Variants in CACNA1I observed in about 807,000 individuals in gnomAD.
CACNA1I encodes the protein calcium voltage-gated channel subunit alpha1 I.
In CACNA1I, 74 loss-of-function variants were observed where a neutral mutation model predicts 201.6. The ratio of observed to expected loss-of-function variants is 0.37; its 90% confidence interval spans 0.30 to 0.45. CACNA1I has a LOEUF of 0.45. CACNA1I is among the 20% of genes least tolerant of loss of function. CACNA1I has a pLI of 1.00. For synonymous variants in CACNA1I, 1,431 were observed against 1,345.2 expected (o/e 1.06, Z -1.40); for missense variants, 2,346 against 3,138.1 (o/e 0.75, Z 6.03).
At chr22:39,651,819 T>C (rs1489137453) in intron 10 of CACNA1I, among the ~76,000 whole-genome samples, 12 of 152,178 alleles carry the variant, frequency 7.9e-5, no homozygotes, top group Admixed American at 7.8e-4. Flanking sequence ...CCATGGAAAT[T>C]GGCAGATGTT....
intron 1 of CACNA1I, among the ~76,000 whole-genome samples, chr22:39,596,475 GGGGGAGCAGGATGGAGAGAGAT>G (rs1255108695): frequency 6.1e-4 from 55 of 89,522 alleles, no homozygotes; most frequent in Non-Finnish European, 7.6e-4. Flanking sequence ...GGAGAGAGAT[GGGGGAGCAGGATGGAGAGAGAT>G]GGGGGGCAGG....
rs1934497500 is a variant in CACNA1I at position 39,646,655 on chromosome 22, G to A, written c.1236G>A (p.Met412Ile). 5 of 1,577,282 alleles carry A rather than the reference G, an allele frequency of 3.2e-6. No individual in the cohort carries two copies. Among genetic ancestry groups the A allele is most frequent in the Non-Finnish European group, 4.3e-6 (5 of 1,162,032 alleles). The stretch of plus-strand genomic sequence containing the variant: ...CCAAGCAACGGGAGCACCGGCTGAT[G>A]CTGGAGCAGCGGCAGCGCTACCTGT... ...SETKQREHRL[M>I]LEQRQRYLSS... The change falls in exon 8 of 37, where the codon ATG becomes ATA. Residue 412 changes from methionine (M) to isoleucine (I), a missense_variant. Transcript: ENST00000402142.
chr22:39,636,041 C>T (rs553844423), intron 5 of CACNA1I, among the ~76,000 whole-genome samples: 70 of 152,344 alleles, frequency 4.6e-4, no homozygotes, highest in African/African-American at 1.6e-3. Context: ...TAACTCCTCC[C>T]AGGCCTAGAG....
chr22:39,682,600 T>C lies in CACNA1I; in HGVS notation c.5769T>C (p.Cys1923=), dbSNP rs1037252921. 3.6e-5 allele frequency: 58 copies of C among 1,613,408 alleles called. No homozygotes were observed. The highest frequency in any genetic ancestry group is 4.7e-5 in the Non-Finnish European group (55 of 1,179,836). ...CGCCGGATCCAGAGAACTTCCTGTG[T>C]GAGATGGAGGAGATCCCATTCAACC... ...AVSPDPENFL[C]EMEEIPFNPV... The change falls in exon 35 of 37, where the codon TGT becomes TGC. Residue 1923 remains cysteine (C), a synonymous_variant. Coordinates refer to ENST00000402142, the MANE Select transcript of CACNA1I (RefSeq NM_021096.4).
chr22:39,644,086 T>C (rs1688170722), intron 7 of CACNA1I, among the ~76,000 whole-genome samples: 1 of 152,148 alleles, frequency 6.6e-6, no homozygotes, highest in African/African-American at 2.4e-5. Flanking sequence ...GATGCCAGAA[T>C]TGAGCCTTAA....
intron 7 of CACNA1I, among the ~76,000 whole-genome samples, chr22:39,645,189 G>A (rs140223271): frequency 5.7e-4 from 86 of 151,318 alleles, no homozygotes; most frequent in African/African-American, 2.1e-3. Flanking sequence ...ATTTCATGAT[G>A]TTGGCCAGGC....
intron 5 of CACNA1I, among the ~76,000 whole-genome samples, chr22:39,636,872 G>A (rs909679): frequency 0.1 from 15,446 of 152,250 alleles, 1,061 homozygotes; most frequent in African/African-American, 0.2. Flanking sequence ...GAGCTCCGTC[G>A]TCAGGGCGGA....
chr22:39,574,664 A>G (rs912149327), intron 1 of CACNA1I, among the ~76,000 whole-genome samples: 1 of 143,156 alleles, frequency 7.0e-6, no homozygotes, highest in African/African-American at 3.0e-5. Flanking sequence ...TGCATATTCA[A>G]TAGTAGTAGT....
chr22:39,582,083 G>T (rs548440090), intron 1 of CACNA1I, among the ~76,000 whole-genome samples: 85 of 152,316 alleles, frequency 5.6e-4, no homozygotes, highest in Admixed American at 4.6e-3. Flanking sequence ...CAGAGCAGGG[G>T]GTGCTGAGGA....
intron 10 of CACNA1I, among the ~76,000 whole-genome samples, chr22:39,650,409 C>T (rs1934612995): frequency 6.6e-6 from 1 of 152,236 alleles, no homozygotes; most frequent in Non-Finnish European, 1.5e-5. Context: ...TCTTCAGCCT[C>T]CCAAGTAGCT....
At chr22:39,617,058 G>A (rs888483577) in intron 3 of CACNA1I, among the ~76,000 whole-genome samples, 1 of 152,212 alleles carries the variant, frequency 6.6e-6, no homozygotes, top group African/African-American at 2.4e-5. Context: ...GAGGGAGGCT[G>A]TGGCAGGAGA....
Position 39,682,668 on chromosome 22 carries a change from G to T in CACNA1I, c.5830+7G>T, listed in dbSNP as rs367639603. On this transcript the variant is annotated splice_region_variant and intron_variant, in intron 35 of 36. Transcript: ENST00000402142. Reference sequence around the variant, plus strand: ...AAACATGACAGCAGTCAAGGTGAGGGGTGGGAGCCCTGCCAGCTCCCCACA... The same window carrying T: ...AAACATGACAGCAGTCAAGGTGAGGTGTGGGAGCCCTGCCAGCTCCCCACA... 3.7e-6 allele frequency: 6 copies of T among 1,609,232 alleles called. No individual in the cohort carries two copies. The highest frequency in any genetic ancestry group is 2.7e-5 in the African/African-American group (2 of 74,816).
At chr22:39,627,630 T>G (rs1444238573) in intron 4 of CACNA1I, among the ~76,000 whole-genome samples, 1 of 152,214 alleles carries the variant, frequency 6.6e-6, no homozygotes, top group Admixed American at 6.5e-5. Context: ...GGGGCATTTG[T>G]TGGACAGTTC....
chr22:39,657,862 G>A (rs1032040768), intron 10 of CACNA1I, among the ~76,000 whole-genome samples: 9 of 152,194 alleles, frequency 5.9e-5, no homozygotes, highest in East Asian at 1.9e-4. Flanking sequence ...CGTAAAATGC[G>A]TATCAGAACA....
At chr22:39,682,863 C>G (rs971741357) in intron 35 of CACNA1I, among the ~76,000 whole-genome samples, 1 of 152,036 alleles carries the variant, frequency 6.6e-6, no homozygotes, top group Non-Finnish European at 1.5e-5. Flanking sequence ...CCAAATAGTA[C>G]AAAAAGATGA....
At chr22:39,634,760 G>C in intron 5 of CACNA1I, 36 bp downstream of exon 5, 1 of 1,596,476 alleles carries the variant, frequency 6.3e-7, no homozygotes, top group Non-Finnish European at 8.6e-7. Context: ...CAGCTCCGGG[G>C]ACTCTTACTA....
In CACNA1I at chr22:39,641,194, C is replaced by T. The variant is rs771928905; in HGVS notation, c.1056+12C>T. On this transcript the variant is annotated intron_variant, in intron 6 of 36. Coordinates refer to ENST00000402142, the MANE Select transcript of CACNA1I (RefSeq NM_021096.4). The stretch of plus-strand genomic sequence containing the variant: ...TTGTCATCTTCCAGGTGAGGCCATT[C>T]AGGCCTGGGGCCAGCCTGGTCCTAG... The T allele has an allele frequency of 5.6e-6, 9 of 1,606,924 alleles. No individual in the cohort carries two copies. The highest frequency in any genetic ancestry group is 6.8e-6 in the Non-Finnish European group (8 of 1,174,672).
chr22:39,643,822 T>C (rs1204798956), intron 7 of CACNA1I, among the ~76,000 whole-genome samples: 1 of 152,232 alleles, frequency 6.6e-6, no homozygotes, highest in Non-Finnish European at 1.5e-5. Context: ...TTGCCATCCA[T>C]GGCCTTGCAT....
chr22:39,571,684 CT>C (rs1932188800), intron 1 of CACNA1I, among the ~76,000 whole-genome samples: 1 of 152,246 alleles, frequency 6.6e-6, no homozygotes, highest in Non-Finnish European at 1.5e-5. Context: ...TCCCTTCCCC[CT>C]GGACCTGGCC....
Sources: gnomAD v4.1 joint callset for allele counts (sites outside exome capture counted in the v4.1 genomes callset) on GRCh38, gnomAD v4.1.1 for gene constraint, MANE v1.5 for transcripts, NCBI Gene and HGNC (gene_info 2026-07-23, HGNC 2026-07-21) for gene names.